NADK2: variants seen among roughly 807,000 people sequenced by gnomAD.
NADK2 encodes the protein NAD kinase 2, mitochondrial, also known as NAD kinase domain-containing protein 1, mitochondrial.
NADK2 carries 35 observed loss-of-function variants against 62.1 expected under a neutral mutation model. The observed-to-expected ratio is 0.56, with a 90% CI of 0.43 to 0.75. NADK2 has a LOEUF of 0.75. Among genes scored for constraint, NADK2 ranks in the 30% least tolerant of loss-of-function variants. The pLI is 0.00. For synonymous variants in NADK2, 205 were observed against 207.9 expected, an observed-to-expected ratio of 0.99 and a Z score of 0.12; for missense variants, 439 against 561.3, an observed-to-expected ratio of 0.78 and a Z score of 2.20.
At chr5:36,224,922 C>T (rs1372634029) in intron 4 of NADK2, among the ~76,000 whole-genome samples, 3 of 152,056 alleles carry the variant, frequency 2.0e-5, no homozygotes, top group African/African-American at 7.2e-5. Flanking sequence ...AGTAAAGTCA[C>T]TGTCCCCCAA....
In NADK2 at chr5:36,209,283, T is replaced by C. The variant is rs150025074; in HGVS notation, c.861-2018A>G. Among the ~76,000 whole-genome samples, 394 of 152,224 alleles carry C rather than the reference T, an allele frequency of 2.6e-3. 2 individuals carry two copies. The highest frequency in any genetic ancestry group is 9.2e-3 in the African/African-American group (381 of 41,560). On this transcript the variant is annotated intron_variant, in intron 7 of 11. Transcript: ENST00000381937. ...TGCCACAGAAAATAAAAGCATTCGATTGAAAATCCCCTCAAGAAATTTCAC... is the reference window on the plus strand; with the variant it reads ...TGCCACAGAAAATAAAAGCATTCGACTGAAAATCCCCTCAAGAAATTTCAC...
intron 11 of NADK2, among the ~76,000 whole-genome samples, chr5:36,196,442 C>T (rs11960309): frequency 5.7e-4 from 86 of 152,120 alleles, no homozygotes; most frequent in African/African-American, 2.0e-3. Context: ...TTGTGAAATG[C>T]CTGACTTTGG....
chr5:36,241,709 G>C lies in NADK2; in HGVS notation c.90C>G (p.Gly30=). 9 of 1,137,644 alleles carry C rather than the reference G, an allele frequency of 7.9e-6. No individual in the cohort carries two copies. The highest frequency in any genetic ancestry group is 9.7e-6 in the Non-Finnish European group (9 of 931,370). 70.5% of individuals were successfully genotyped at this position (1,137,644 alleles called of 1,614,324 possible). ...CGCCCAGCCGGGGCCGCGCGGCGGGGCCTCCCGCACCCGGTCCCCGCAGCG... is the reference window on the plus strand; with the variant it reads ...CGCCCAGCCGGGGCCGCGCGGCGGGCCCTCCCGCACCCGGTCCCCGCAGCG... ...AAALRGPGAG[G]PAARPRLGGD... is the part of the protein sequence containing the mutation. Residue 30 remains glycine, a synonymous_variant, in exon 1 of 12, where the codon GGC becomes GGG. Coordinates refer to ENST00000381937, the MANE Select transcript of NADK2 (RefSeq NM_001085411.3). This position sits in a 1 kb window ranked among gnomAD's most constrained non-coding sequence, Gnocchi z 4.9.
In NADK2 at chr5:36,194,123, G is replaced by A. The variant is rs1472601313; in HGVS notation, c.*1021C>T. ...CTCCAAAAATAAAGGAATTCTCATG[G>A]GGAAAAAAAAAAAGTCCTAACATCT... On this transcript the variant is annotated 3_prime_UTR_variant, in exon 12 of 12. Coordinates refer to ENST00000381937, the MANE Select transcript of NADK2 (RefSeq NM_001085411.3). The A allele has an allele frequency of 4.6e-5, 7 of 151,146 alleles. No homozygotes were observed. The highest frequency in any genetic ancestry group is 1.3e-4 in the Admixed American group (2 of 15,224). The allele number at this position is 151,146 out of a possible 1,614,324, so 9.4% of individuals were successfully genotyped here.
chr5:36,198,061 A>C (rs566985140), intron 10 of NADK2, among the ~76,000 whole-genome samples: 1 of 151,884 alleles, frequency 6.6e-6, no homozygotes, highest in East Asian at 2.0e-4. Flanking sequence ...AGAGCTCATA[A>C]CGATGATAAT....
chr5:36,199,147 C>T (rs1746347054), intron 10 of NADK2, among the ~76,000 whole-genome samples: 1 of 151,834 alleles, frequency 6.6e-6, no homozygotes, highest in Admixed American at 6.6e-5. Context: ...CACATGTATA[C>T]ATATGTAACA....
At chr5:36,197,253 TTG>T (rs1416879071) in intron 11 of NADK2, among the ~76,000 whole-genome samples, 5 of 152,104 alleles carry the variant, frequency 3.3e-5, no homozygotes, top group Admixed American at 3.3e-4. Flanking sequence ...TTTACAATTA[TTG>T]TGTCTTCGTT....
intron 6 of NADK2, among the ~76,000 whole-genome samples, chr5:36,216,660 A>AATAT (rs1323408573): frequency 1.3e-5 from 2 of 152,080 alleles, no homozygotes; most frequent in Non-Finnish European, 2.9e-5. Context: ...CTATATATGA[A>AATAT]ATATTAACTT....
At chr5:36,233,377 G>A (rs1747780636) in intron 1 of NADK2, among the ~76,000 whole-genome samples, 1 of 152,038 alleles carries the variant, frequency 6.6e-6, no homozygotes, top group African/African-American at 2.4e-5. Context: ...AATTCCTATG[G>A]AGAAAGACAG....
intron 1 of NADK2, among the ~76,000 whole-genome samples, chr5:36,229,093 CT>C (rs1747609148): frequency 6.6e-6 from 1 of 152,084 alleles, no homozygotes; most frequent in African/African-American, 2.4e-5. Flanking sequence ...CAAATATAAT[CT>C]TATGGCTCAA....
At chr5:36,195,356 T>G in intron 11 of NADK2, 74 bp from the exon 12 acceptor site, 1 of 1,415,986 alleles carries the variant, frequency 7.1e-7, no homozygotes, top group South Asian at 1.5e-5. Flanking sequence ...AATTTTAACC[T>G]AGCAGATCAT....
chr5:36,200,397 G>T, intron 9 of NADK2, 117 bp from the exon 10 acceptor site: 2 of 420,442 alleles, frequency 4.8e-6, no homozygotes, highest in Non-Finnish European at 7.6e-6. Flanking sequence ...ATATATATAT[G>T]TTATTATGTA....
intron 9 of NADK2, 129 bp from the exon 10 acceptor site, chr5:36,200,409 CATA>C (rs1473923654): frequency 2.5e-6 from 1 of 392,436 alleles, no homozygotes; most frequent in Non-Finnish European, 4.2e-6. Context: ...TATTATGTAA[CATA>C]ATAGCTAATA....
At chr5:36,220,696 G>C (rs1217118620) in intron 4 of NADK2, among the ~76,000 whole-genome samples, 5 of 152,222 alleles carry the variant, frequency 3.3e-5, no homozygotes, top group Admixed American at 3.3e-4. Flanking sequence ...AATACCTGCT[G>C]AGGTCAACTG....
At chr5:36,198,612 AAT>A (rs1014915812) in intron 10 of NADK2, among the ~76,000 whole-genome samples, 7 of 148,022 alleles carry the variant, frequency 4.7e-5, no homozygotes, top group African/African-American at 1.5e-4. Context: ...AATATAAATT[AAT>A]ATATATATAC....
rs145360840 is a variant in NADK2 at position 36,209,479 on chromosome 5, C to T, written c.861-2214G>A. Among the ~76,000 whole-genome samples, 14 of 152,194 alleles carry T rather than the reference C, an allele frequency of 9.2e-5. No homozygotes were observed. In the East Asian group the frequency reaches 2.7e-3, roughly 29 times the overall value. ...ATGGCTTCCCTGAAGTAAGCATAAA[C>T]TCACAAAACATTTTTATCATTGCAT... On this transcript the variant is annotated intron_variant, in intron 7 of 11. Transcript: ENST00000381937.
intron 10 of NADK2, 85 bp from the exon 11 acceptor site, chr5:36,197,749 T>C (rs1340369956): frequency 8.6e-7 from 1 of 1,164,530 alleles, no homozygotes; most frequent in Non-Finnish European, 1.2e-6. Flanking sequence ...CCATCCCCCA[T>C]TTAAATTCTG....
intron 4 of NADK2, among the ~76,000 whole-genome samples, chr5:36,220,031 A>G (rs1173045178): frequency 6.6e-6 from 1 of 152,180 alleles, no homozygotes; most frequent in Non-Finnish European, 1.5e-5. Flanking sequence ...TAACCTTCCA[A>G]TTTTTATTCT....
At chr5:36,226,181 A>G (rs1326563987) in intron 3 of NADK2, among the ~76,000 whole-genome samples, 1 of 152,094 alleles carries the variant, frequency 6.6e-6, no homozygotes, top group Non-Finnish European at 1.5e-5. Context: ...TATCAACTTC[A>G]TTTTTTTCTT....
Sources: allele counts gnomAD v4.1 joint callset (sites outside exome capture counted in the v4.1 genomes callset), GRCh38; gene constraint gnomAD v4.1.1; non-coding constraint Gnocchi (gnomAD v3.1); transcripts MANE v1.5; gene names NCBI Gene and HGNC (gene_info 2026-07-23, HGNC 2026-07-21).